The following EIF4G3 variants were observed in gnomAD, a reference collection of about 807,000 sequenced individuals.
EIF4G3 encodes the protein eIF-4-gamma 3.
Under a neutral mutation model 186.4 loss-of-function variants are expected in EIF4G3, and 34 were observed. The ratio of observed to expected loss-of-function variants is 0.18; its 90% CI spans 0.14 to 0.24. The LOEUF (loss-of-function observed/expected upper bound fraction) is 0.24. Among genes scored for constraint, EIF4G3 ranks in the 10% least tolerant of loss-of-function variants. EIF4G3 has a pLI of 1.00. For synonymous variants in EIF4G3, 673 were observed against 679.5 expected (o/e 0.99, Z 0.15); for missense variants, 1,536 against 1,948.5 (o/e 0.79, Z 3.99).
chr1:20,964,427 C>T (rs2074162738), intron 12 of EIF4G3, among the ~76,000 whole-genome samples: 1 of 152,140 alleles, frequency 6.6e-6, no homozygotes, highest in Non-Finnish European at 1.5e-5. Context: ...TACACATATG[C>T]ATATTTCCTA....
chr1:20,866,454 T>C (rs1231852593), intron 20 of EIF4G3, among the ~76,000 whole-genome samples: 5 of 152,146 alleles, frequency 3.3e-5, no homozygotes, highest in Non-Finnish European at 7.4e-5. Flanking sequence ...GAGGGGAACA[T>C]TTTCAGATAA....
intron 18 of EIF4G3, among the ~76,000 whole-genome samples, chr1:20,886,604 T>A (rs9919149): frequency 0.034 from 5,178 of 152,258 alleles, 297 homozygotes; most frequent in African/African-American, 0.12. Context: ...TTGAACCAGA[T>A]GTTTGACAAA....
At chr1:20,821,010 C>T (rs1379630207) in intron 33 of EIF4G3, among the ~76,000 whole-genome samples, 2 of 152,150 alleles carry the variant, frequency 1.3e-5, no homozygotes, top group African/African-American at 4.8e-5. Context: ...CTCTTCTTCA[C>T]CCTTCATTTG....
At position 21,050,904 on chromosome 1, in the gene EIF4G3, T is replaced by C. The variant is rs1420236765; in HGVS notation, c.-105A>G. On this transcript the variant is annotated 5_prime_UTR_variant, in exon 4 of 37. Transcript: ENST00000602326. ...GGGGACGATGCATGTCCCGGGGGCG[T>C]TGCCGCAAGATTTGGATGCCCCTTG... The C allele has an allele frequency of 2.8e-6, 2 of 714,088 alleles. No individual in the cohort carries two copies. Among genetic ancestry groups the C allele is most frequent in the Non-Finnish European group, 5.2e-6 (2 of 384,202 alleles). The allele number at this position is 714,088 out of a possible 1,614,324, so 44.2% of individuals were successfully genotyped here.
intron 30 of EIF4G3, among the ~76,000 whole-genome samples, chr1:20,839,909 CAAA>C (rs58331252): frequency 3.9e-5 from 5 of 128,474 alleles, no homozygotes; most frequent in Non-Finnish European, 6.3e-5. Flanking sequence ...ATGAGCTTGG[CAAA>C]AAAAAAAAAA....
chr1:21,078,106 G>A (rs545247321), intron 3 of EIF4G3, among the ~76,000 whole-genome samples: 1 of 152,252 alleles, frequency 6.6e-6, no homozygotes, highest in East Asian at 1.9e-4. Flanking sequence ...GAATTCTACA[G>A]CATTTAGAAT....
At chr1:21,016,579 G>A (rs1354368771) in intron 4 of EIF4G3, among the ~76,000 whole-genome samples, 2 of 152,096 alleles carry the variant, frequency 1.3e-5, no homozygotes, top group Admixed American at 1.3e-4. Context: ...AGCTACTCCA[G>A]AGGCTGAAGG....
intron 14 of EIF4G3, among the ~76,000 whole-genome samples, chr1:20,911,890 C>T (rs1201478257): frequency 6.6e-6 from 1 of 151,774 alleles, no homozygotes; most frequent in Non-Finnish European, 1.5e-5. Flanking sequence ...TCCTCTACCC[C>T]TTATATAAAT....
At chr1:21,147,282 A>T (rs2097459993) in intron 2 of EIF4G3, among the ~76,000 whole-genome samples, 1 of 152,000 alleles carries the variant, frequency 6.6e-6, no homozygotes, top group African/African-American at 2.4e-5. Context: ...AAATAAATCT[A>T]TATAATTTGT....
chr1:20,976,618 T>A (rs2154566193), intron 10 of EIF4G3, among the ~76,000 whole-genome samples: 1 of 152,328 alleles, frequency 6.6e-6, no homozygotes, highest in East Asian at 1.9e-4. Context: ...CAGCACAATA[T>A]CTAACAGACT....
chr1:20,827,752 G>C, intron 31 of EIF4G3, 54 bp from the exon 32 acceptor site: 1 of 1,257,138 alleles, frequency 8.0e-7, no homozygotes. Context: ...CTTTCTTCTA[G>C]AACAAGAGGC....
At chr1:20,850,011 C>T (rs575602219) in intron 28 of EIF4G3, among the ~76,000 whole-genome samples, 2 of 152,268 alleles carry the variant, frequency 1.3e-5, no homozygotes, top group Admixed American at 1.3e-4. Context: ...CTGTTTCATT[C>T]CTACTGGTCC....
chr1:20,851,109 A>G (rs2073152494), intron 28 of EIF4G3, 149 bp downstream of exon 28: 1 of 694,742 alleles, frequency 1.4e-6, no homozygotes, highest in Non-Finnish European at 2.4e-6. Context: ...AACTGTTATA[A>G]AACTATGAAG....
At chr1:20,912,023 C>T (rs1258857169) in intron 14 of EIF4G3, among the ~76,000 whole-genome samples, 2 of 152,112 alleles carry the variant, frequency 1.3e-5, no homozygotes, top group South Asian at 2.1e-4. Flanking sequence ...GGTATGGTGG[C>T]TCATGCCACC....
chr1:21,058,547 A>G (rs569669739), intron 3 of EIF4G3, among the ~76,000 whole-genome samples: 3 of 151,816 alleles, frequency 2.0e-5, no homozygotes, highest in Admixed American at 6.6e-5. Context: ...TTTTTAATGA[A>G]ATCGGGTCTC....
At chr1:21,041,696 G>A (rs1002726235) in intron 4 of EIF4G3, among the ~76,000 whole-genome samples, 1 of 152,130 alleles carries the variant, frequency 6.6e-6, no homozygotes, top group African/African-American at 2.4e-5. Flanking sequence ...CAAAATGTTG[G>A]CAACATGGTT....
chr1:21,088,245 ACT>A (rs2101109130), intron 3 of EIF4G3, among the ~76,000 whole-genome samples: 1 of 151,792 alleles, frequency 6.6e-6, no homozygotes, highest in African/African-American at 2.4e-5. Flanking sequence ...ACATGGTGAA[ACT>A]CTGTCTCTAC....
At chr1:20,973,565 C>T (rs978390277) in intron 10 of EIF4G3, among the ~76,000 whole-genome samples, 6 of 152,174 alleles carry the variant, frequency 3.9e-5, no homozygotes, top group African/African-American at 1.2e-4. Flanking sequence ...TCATGGGGAA[C>T]TACTGCCATA....
At chr1:21,156,838 G>C (rs1034889348) in intron 2 of EIF4G3, among the ~76,000 whole-genome samples, 2 of 152,130 alleles carry the variant, frequency 1.3e-5, no homozygotes, top group Non-Finnish European at 2.9e-5. Context: ...ACTTTGGGAG[G>C]CTGGAGCCAG....
Sources: allele counts gnomAD v4.1 joint callset (sites outside exome capture counted in the v4.1 genomes callset), GRCh38; gene constraint gnomAD v4.1.1; transcripts MANE v1.5; gene names NCBI Gene and HGNC (gene_info 2026-07-23, HGNC 2026-07-21).